Variants in CADM2 observed in about 807,000 individuals in gnomAD.
CADM2 encodes the protein cell adhesion molecule 2.
In CADM2, 12 loss-of-function variants were observed where a neutral mutation model predicts 49.8. The ratio of observed to expected loss-of-function variants is 0.24; its 90% CI spans 0.15 to 0.39. The LOEUF is 0.39. Among genes scored for constraint, CADM2 ranks in the 10% least tolerant of loss-of-function variants. The pLI is 1.00. For missense variants in CADM2, 378 were observed against 492.3 expected, an observed-to-expected ratio of 0.77 and a Z score of 2.20; for synonymous variants, 214 against 175.4, an observed-to-expected ratio of 1.22 and a Z score of -1.74.
intron 1 of CADM2, among the ~76,000 whole-genome samples, chr3:85,495,459 C>T (rs151239413): frequency 1.2e-4 from 18 of 152,130 alleles, no homozygotes; most frequent in African/African-American, 3.9e-4. Flanking sequence ...AAAGAAATTC[C>T]GGGTAAAGGA....
At chr3:85,938,662 A>G (rs1412863040) in intron 7 of CADM2, among the ~76,000 whole-genome samples, 2 of 152,030 alleles carry the variant, frequency 1.3e-5, no homozygotes, top group Non-Finnish European at 2.9e-5. Flanking sequence ...TTTTGCAACT[A>G]TTGTACCTGT....
chr3:85,508,827 CTGTGTGTGTATGTGTG>C (rs2107681901), intron 1 of CADM2, among the ~76,000 whole-genome samples: 1 of 90,444 alleles, frequency 1.1e-5, no homozygotes, highest in African/African-American at 4.0e-5. Context: ...AAGGATATCT[CTGTGTGTGTATGTGTG>C]TGTGTGTGTG....
chr3:85,903,241 G>A (rs988617508), intron 5 of CADM2, among the ~76,000 whole-genome samples: 1 of 151,304 alleles, frequency 6.6e-6, no homozygotes, highest in Admixed American at 6.6e-5. Flanking sequence ...AATCACTTAA[G>A]AGAAGAAAAA....
chr3:85,880,114 G>C (rs1351411227), intron 3 of CADM2, among the ~76,000 whole-genome samples: 1 of 152,112 alleles, frequency 6.6e-6, no homozygotes, highest in African/African-American at 2.4e-5. Context: ...TATTTATAGA[G>C]TTTTTGAGTG....
chr3:85,814,039 T>G (rs181963021), intron 3 of CADM2, among the ~76,000 whole-genome samples: 4 of 152,272 alleles, frequency 2.6e-5, no homozygotes, highest in African/African-American at 9.6e-5. Flanking sequence ...TTTGGTTCCA[T>G]ATGAAGTTTA....
chr3:85,198,800 G>GT (rs1455244150), intron 1 of CADM2, among the ~76,000 whole-genome samples: 1 of 151,662 alleles, frequency 6.6e-6, no homozygotes, highest in South Asian at 2.1e-4. Flanking sequence ...TATGTCTCCA[G>GT]TTTTTTTATA....
At chr3:85,124,153 A>G (rs546529117) in intron 1 of CADM2, among the ~76,000 whole-genome samples, 15 of 152,328 alleles carry the variant, frequency 9.8e-5, no homozygotes, top group African/African-American at 2.9e-4. Flanking sequence ...ATAGGGGCAC[A>G]ATATTCCTTG....
chr3:85,913,311 A>T (rs1445988440), intron 6 of CADM2, among the ~76,000 whole-genome samples: 1 of 151,252 alleles, frequency 6.6e-6, no homozygotes, highest in Non-Finnish European at 1.5e-5. Flanking sequence ...GAATGAATTG[A>T]AACATGTGAA....
intron 8 of CADM2, among the ~76,000 whole-genome samples, chr3:86,000,939 G>T (rs1369213427): frequency 6.6e-6 from 1 of 152,102 alleles, no homozygotes; most frequent in East Asian, 1.9e-4. Flanking sequence ...GAGCAAATGT[G>T]TAAGAAATAT....
intron 1 of CADM2, among the ~76,000 whole-genome samples, chr3:85,269,280 G>A (rs1304980237): frequency 6.6e-6 from 1 of 151,316 alleles, no homozygotes; most frequent in African/African-American, 2.4e-5. Flanking sequence ...ATTATTTTTA[G>A]TTATTCATTT....
At chr3:85,066,541 G>GCA (rs763736000) in intron 1 of CADM2, among the ~76,000 whole-genome samples, 108 of 151,066 alleles carry the variant, frequency 7.1e-4, no homozygotes, top group Admixed American at 3.6e-3. Flanking sequence ...GCACCTGCAC[G>GCA]CACACACACA....
intron 1 of CADM2, among the ~76,000 whole-genome samples, chr3:85,716,763 C>T (rs2067308243): frequency 6.6e-6 from 1 of 152,022 alleles, no homozygotes; most frequent in Non-Finnish European, 1.5e-5. Flanking sequence ...AATCCTTTCC[C>T]CATTGCTAGT....
intron 1 of CADM2, among the ~76,000 whole-genome samples, chr3:85,534,959 C>G (rs1454539314): frequency 6.6e-6 from 1 of 152,004 alleles, no homozygotes; most frequent in Non-Finnish European, 1.5e-5. Context: ...AGTGGATAGG[C>G]CTGACATTAC....
At chr3:85,186,874 T>C (rs982956450) in intron 1 of CADM2, among the ~76,000 whole-genome samples, 4 of 152,198 alleles carry the variant, frequency 2.6e-5, no homozygotes, top group African/African-American at 9.6e-5. Context: ...AGGGTATATT[T>C]AAGAAAGGTG....
chr3:85,821,511 G>T (rs184519191), intron 3 of CADM2, among the ~76,000 whole-genome samples: 5 of 152,126 alleles, frequency 3.3e-5, no homozygotes, highest in Non-Finnish European at 7.4e-5. Flanking sequence ...TCCTCCTTTA[G>T]CTTAATCTAC....
intron 3 of CADM2, among the ~76,000 whole-genome samples, chr3:85,842,942 T>C (rs2074704868): frequency 6.6e-6 from 1 of 152,038 alleles, no homozygotes; most frequent in Non-Finnish European, 1.5e-5. Context: ...AGATACACAA[T>C]TGTGGACATG....
At chr3:85,870,640 A>G (rs148672784) in intron 3 of CADM2, among the ~76,000 whole-genome samples, 1 of 152,180 alleles carries the variant, frequency 6.6e-6, no homozygotes, top group African/African-American at 2.4e-5. Flanking sequence ...TTCTTTATCC[A>G]TTCTACCAAT....
intron 1 of CADM2, among the ~76,000 whole-genome samples, chr3:85,700,865 C>T (rs1463438198): frequency 2.6e-5 from 4 of 152,194 alleles, no homozygotes. Context: ...CTTCTGAGCT[C>T]TCCAAGGTTT....
intron 2 of CADM2, among the ~76,000 whole-genome samples, chr3:85,736,059 T>C (rs2068119009): frequency 6.6e-6 from 1 of 152,074 alleles, no homozygotes; most frequent in Non-Finnish European, 1.5e-5. Context: ...TTAGGACTTG[T>C]GGTCTCACAT....
Sources: allele counts gnomAD v4.1 joint callset (sites outside exome capture counted in the v4.1 genomes callset), GRCh38; gene constraint gnomAD v4.1.1; transcripts MANE v1.5; gene names NCBI Gene and HGNC (gene_info 2026-07-23, HGNC 2026-07-21).